The following CDH12 variants were observed in gnomAD, a reference collection of about 807,000 sequenced individuals.
CDH12 encodes the protein cadherin 12.
A neutral mutation model predicts 74.1 loss-of-function variants in CDH12; 41 were observed. That is an observed-to-expected ratio of 0.55 (90% CI 0.43 to 0.72). The LOEUF is 0.72. Among genes scored for constraint, CDH12 ranks in the 30% least tolerant of loss-of-function variants. The probability of loss-of-function intolerance (pLI) is 0.00; values close to 1 mark genes in which losing one functional copy is unlikely to be tolerated. For missense variants in CDH12, 945 were observed against 977.2 expected (o/e 0.97, Z 0.44); for synonymous variants, 399 against 355.0 (o/e 1.12, Z -1.39).
chr5:22,784,812 G>T (rs890562992), intron 1 of CDH12, among the ~76,000 whole-genome samples: 2 of 152,064 alleles, frequency 1.3e-5, no homozygotes, highest in Admixed American at 1.3e-4. Flanking sequence ...TAATTGTAAA[G>T]TATACCTTTT....
chr5:22,117,512 AATATATATATAAT>A (rs1181028714), intron 4 of CDH12, among the ~76,000 whole-genome samples: 3 of 58,616 alleles, frequency 5.1e-5, no homozygotes, highest in African/African-American at 1.5e-4. Context: ...ATATATATAT[AATATATATATAAT>A]ATATATATAT....
chr5:22,197,046 GA>G (rs1750658823), intron 4 of CDH12, among the ~76,000 whole-genome samples: 1 of 152,078 alleles, frequency 6.6e-6, no homozygotes, highest in African/African-American at 2.4e-5. Context: ...TTCTACCCCT[GA>G]ACTTAAAATA....
intron 3 of CDH12, among the ~76,000 whole-genome samples, chr5:22,371,191 G>A (rs933252665): frequency 1.3e-5 from 2 of 152,024 alleles, no homozygotes; most frequent in East Asian, 3.9e-4. Flanking sequence ...ATTTGTCTAG[G>A]TGCCACTTTA....
intron 1 of CDH12, among the ~76,000 whole-genome samples, chr5:22,616,894 C>A (rs186040739): frequency 6.6e-6 from 1 of 151,900 alleles, no homozygotes; most frequent in Non-Finnish European, 1.5e-5. Flanking sequence ...CCATGGGGTC[C>A]CCCTCTGCCT....
chr5:22,810,867 G>A (rs946671383), intron 1 of CDH12, among the ~76,000 whole-genome samples: 9 of 152,092 alleles, frequency 5.9e-5, no homozygotes, highest in South Asian at 4.1e-4. Flanking sequence ...GGGCAACAGA[G>A]TAAGACCTTC....
At chr5:22,263,985 C>T (rs533331685) in intron 3 of CDH12, among the ~76,000 whole-genome samples, 1 of 151,888 alleles carries the variant, frequency 6.6e-6, no homozygotes, top group African/African-American at 2.4e-5. Flanking sequence ...TTTTTTAAAA[C>T]ATACTTCCCT....
rs145821309 is a variant in CDH12, at chr5:22,324,494, A to C, written c.-333+80763T>G. Among the ~76,000 whole-genome samples, 1,251 of 152,102 alleles carry C rather than the reference A, an allele frequency of 8.2e-3. 6 individuals carry two copies. Among genetic ancestry groups the C allele is most frequent in the Non-Finnish European group, 0.012 (800 of 67,926 alleles). On this transcript the variant is annotated intron_variant, in intron 3 of 14. Transcript: ENST00000382254. The stretch of plus-strand genomic sequence containing the variant: ...TAAGTCAGATTTTGAAAAGTTACTA[A>C]GTTATCATGGTTGTAGATTACCTTA...
At chr5:21,920,312 A>T (rs1754292076) in intron 6 of CDH12, among the ~76,000 whole-genome samples, 1 of 152,228 alleles carries the variant, frequency 6.6e-6, no homozygotes, top group East Asian at 1.9e-4. Flanking sequence ...GGACTTGGAC[A>T]GAAAAAAGTG....
chr5:21,967,878 G>C (rs1756658253), intron 6 of CDH12, among the ~76,000 whole-genome samples: 1 of 152,130 alleles, frequency 6.6e-6, no homozygotes, highest in African/African-American at 2.4e-5. Context: ...GAGATCACAA[G>C]GCCTTGCTCA....
intron 4 of CDH12, among the ~76,000 whole-genome samples, chr5:22,178,527 T>A (rs1246874581): frequency 6.6e-6 from 1 of 152,214 alleles, no homozygotes; most frequent in Admixed American, 6.5e-5. Flanking sequence ...TGTCTTTTTC[T>A]GATTGTTTCT....
chr5:22,330,744 CA>C (rs1212274101), intron 3 of CDH12, among the ~76,000 whole-genome samples: 5,796 of 52,322 alleles, frequency 0.11, 257 homozygotes, highest in African/African-American at 0.3. Flanking sequence ...AGCGAGACTC[CA>C]AAAAAAAAAA....
chr5:22,789,275 G>A (rs1747793434), intron 1 of CDH12, among the ~76,000 whole-genome samples: 1 of 151,924 alleles, frequency 6.6e-6, no homozygotes. Context: ...CCAATAGTAT[G>A]TCACATATTA....
chr5:22,336,724 A>G (rs947437181), intron 3 of CDH12, among the ~76,000 whole-genome samples: 12 of 152,358 alleles, frequency 7.9e-5, no homozygotes, highest in African/African-American at 2.9e-4. Flanking sequence ...CTAGATGCCC[A>G]GGCAGAAGTT....
intron 2 of CDH12, among the ~76,000 whole-genome samples, chr5:22,466,482 G>A (rs1745733731): frequency 6.6e-6 from 1 of 152,110 alleles, no homozygotes; most frequent in Non-Finnish European, 1.5e-5. Flanking sequence ...GCGAGTGTAT[G>A]GCTGAGTGCA....
chr5:22,043,852 A>G (rs1384016369), intron 5 of CDH12, among the ~76,000 whole-genome samples: 2 of 152,188 alleles, frequency 1.3e-5, no homozygotes, highest in African/African-American at 4.8e-5. Context: ...AACTACAAAT[A>G]CTAAGTAACA....
At chr5:22,436,629 G>A (rs1251341981) in intron 2 of CDH12, among the ~76,000 whole-genome samples, 3 of 151,908 alleles carry the variant, frequency 2.0e-5, no homozygotes, top group African/African-American at 4.8e-5. Context: ...TAGGCAGCAC[G>A]CAAGGAGAAC....
At chr5:22,034,100 T>C (rs1334448401) in intron 5 of CDH12, among the ~76,000 whole-genome samples, 2 of 152,124 alleles carry the variant, frequency 1.3e-5, no homozygotes, top group Non-Finnish European at 2.9e-5. Flanking sequence ...CTGGAGTGCA[T>C]TGGTGCTATC....
chr5:22,546,275 T>C (rs1245288968), intron 1 of CDH12, among the ~76,000 whole-genome samples: 1 of 152,170 alleles, frequency 6.6e-6, no homozygotes, highest in Non-Finnish European at 1.5e-5. Context: ...GTATAAAATT[T>C]ACTATTTTGC....
chr5:22,540,031 G>A (rs1485296698), intron 1 of CDH12, among the ~76,000 whole-genome samples: 1 of 152,132 alleles, frequency 6.6e-6, no homozygotes, highest in African/African-American at 2.4e-5. Context: ...TCAATGAGAT[G>A]TTCTACTGTG....
Sources: allele counts gnomAD v4.1 joint callset (sites outside exome capture counted in the v4.1 genomes callset), GRCh38; gene constraint gnomAD v4.1.1; transcripts MANE v1.5; gene names NCBI Gene and HGNC (gene_info 2026-07-23, HGNC 2026-07-21).